The following PIP5K1C variants were observed in gnomAD, a reference collection of about 807,000 sequenced individuals.
PIP5K1C encodes phosphatidylinositol-4-phosphate 5-kinase type 1 gamma.
PIP5K1C carries 45 observed loss-of-function variants against 80.1 expected under a neutral mutation model. That is an observed-to-expected ratio of 0.56 (90% CI 0.44 to 0.72). The LOEUF is 0.72. Ranked by LOEUF, PIP5K1C falls within the 30% of genes least tolerant of loss-of-function variation. PIP5K1C has a pLI of 0.00. For synonymous variants in PIP5K1C, 498 were observed against 420.1 expected (o/e 1.19, Z -2.27); for missense variants, 753 against 954.6 (o/e 0.79, Z 2.78).
At chr19:3,695,733 T>TC (rs1459280411) in intron 1 of PIP5K1C, among the ~76,000 whole-genome samples, 1 of 150,446 alleles carries the variant, frequency 6.6e-6, no homozygotes, top group African/African-American at 2.4e-5. Context: ...CTGACCCTTT[T>TC]TTTTTTTTTT....
chr19:3,649,040 G>A (rs2034355237), intron 8 of PIP5K1C, among the ~76,000 whole-genome samples: 1 of 149,570 alleles, frequency 6.7e-6, no homozygotes, highest in Non-Finnish European at 1.5e-5. Flanking sequence ...TACAGACTGG[G>A]GAGTTAATTG....
At chr19:3,649,967 C>G (rs796347210) in intron 8 of PIP5K1C, 2 of 225,934 alleles carry the variant, frequency 8.9e-6, no homozygotes, top group African/African-American at 2.4e-5. Context: ...CCTGCACGCT[C>G]TGCTCACGCC....
At position 3,642,953 on chromosome 19, in the gene PIP5K1C, G is replaced by A. The variant is rs2034033664; in HGVS notation, c.1650-14C>T. 2 of 1,613,316 alleles carry A rather than the reference G, an allele frequency of 1.2e-6. No individual in the cohort carries two copies. Among genetic ancestry groups the A allele is most frequent in the East Asian group, 2.2e-5 (1 of 44,888 alleles). ...TGTGTGCGCCGCCTGCAGAGATACA[G>A]CAAACACGTGACACCCAGAAAGAGA... On this transcript the variant is annotated splice_polypyrimidine_tract_variant and intron_variant, in intron 13 of 17. Coordinates refer to ENST00000335312, the MANE Select transcript of PIP5K1C (RefSeq NM_012398.3).
At chr19:3,642,366 A>G (rs934589180) in intron 14 of PIP5K1C, among the ~76,000 whole-genome samples, 2 of 152,252 alleles carry the variant, frequency 1.3e-5, no homozygotes, top group Non-Finnish European at 2.9e-5. Context: ...AGCCAGGTGC[A>G]GTCCATGGGA....
At chr19:3,636,926 G>A (rs944026446) in intron 16 of PIP5K1C, 7 of 1,008,480 alleles carry the variant, frequency 6.9e-6, no homozygotes, top group Non-Finnish European at 8.3e-6. Context: ...TGGGGCCCAT[G>A]TGGCGTCCCA....
chr19:3,684,789 C>T (rs1341953676), intron 1 of PIP5K1C, among the ~76,000 whole-genome samples: 5 of 152,218 alleles, frequency 3.3e-5, no homozygotes, highest in Non-Finnish European at 5.9e-5. Flanking sequence ...AAGCCCCGGG[C>T]GGCTCTCTCC....
chr19:3,694,280 G>C (rs916554525), intron 1 of PIP5K1C, among the ~76,000 whole-genome samples: 1 of 151,536 alleles, frequency 6.6e-6, no homozygotes, highest in Admixed American at 6.6e-5. Context: ...GGGTCTAAGC[G>C]GCCAAGGCAG....
rs2033743895 is a variant in PIP5K1C at position 3,637,476 on chromosome 19, T to A, written c.1920+1408A>T. The A allele has an allele frequency of 2.0e-6, 3 of 1,535,508 alleles. No individual in the cohort carries two copies. In the African/African-American group the frequency reaches 4.1e-5, roughly 21 times the overall value. On this transcript the variant is annotated intron_variant, in intron 16 of 17. Coordinates refer to ENST00000335312, the MANE Select transcript of PIP5K1C (RefSeq NM_012398.3). The surrounding 1 kb of genome is among the most constrained non-coding windows in gnomAD (Gnocchi z 7.0). ...GAGCTTCCGGCCGGGGACCTGCGGC[T>A]CCCTGCTGCCCGAGGGGCACTGCCC...
At chr19:3,665,167 C>A (rs1412392437) in intron 2 of PIP5K1C, among the ~76,000 whole-genome samples, 2 of 152,198 alleles carry the variant, frequency 1.3e-5, no homozygotes, top group African/African-American at 4.8e-5. Flanking sequence ...GAGACCTCTG[C>A]CTCCTCAGGA....
chr19:3,646,587 GAC>G, intron 10 of PIP5K1C, among the ~76,000 whole-genome samples: 1 of 152,190 alleles, frequency 6.6e-6, no homozygotes, highest in Admixed American at 6.5e-5. Flanking sequence ...GGCAGCACAG[GAC>G]ACCCTGGCCA....
chr19:3,647,985 G>A (rs1402398160), intron 9 of PIP5K1C, among the ~76,000 whole-genome samples: 5 of 151,768 alleles, frequency 3.3e-5, no homozygotes, highest in Admixed American at 1.3e-4. Flanking sequence ...AAATATTCGA[G>A]CCCCAAAGTG....
chr19:3,677,808 G>A (rs1600062676), intron 1 of PIP5K1C, among the ~76,000 whole-genome samples: 1 of 53,442 alleles, frequency 1.9e-5, no homozygotes, highest in Non-Finnish European at 3.8e-5. Flanking sequence ...GAGGGAGGGA[G>A]GGATAGATGG....
intron 1 of PIP5K1C, among the ~76,000 whole-genome samples, chr19:3,685,884 G>A (rs1302853069): frequency 1.3e-5 from 2 of 152,020 alleles, no homozygotes; most frequent in Non-Finnish European, 2.9e-5. Flanking sequence ...TTTTTGTAGA[G>A]ACGGGGTCTT....
chr19:3,644,412 G>A (rs547716418), intron 11 of PIP5K1C, among the ~76,000 whole-genome samples, 161 bp from the exon 12 acceptor site: 6 of 152,274 alleles, frequency 3.9e-5, no homozygotes, highest in Admixed American at 2.6e-4. Flanking sequence ...GGAAAACCGG[G>A]GTCTGCCTGG....
intron 17 of PIP5K1C, 23 bp from the exon 18 acceptor site, chr19:3,633,192 G>A (rs762104886): frequency 2.6e-6 from 2 of 764,366 alleles, no homozygotes; most frequent in South Asian, 1.4e-5. Context: ...GAGGACAGGT[G>A]AAGGTGGGCG....
Position 3,656,666 on chromosome 19 carries a change from T to C in PIP5K1C, c.469-109A>G, listed in dbSNP as rs941841528. On this transcript the variant is annotated intron_variant, in intron 5 of 17. Transcript: ENST00000335312. ...AGGAACTGATGACGGGTCGCTGCAT[T>C]TTACAGATGCGGAAAGAGAGGCTCA... 8.0e-6 allele frequency: 10 copies of C among 1,243,620 alleles called. No individual in the cohort carries two copies. In the African/African-American group the frequency reaches 1.0e-4, roughly 13 times the overall value. 77.0% of individuals were successfully genotyped at this position (1,243,620 alleles called of 1,614,324 possible). A position where few individuals can be genotyped will look rare whatever the true frequency, so the allele number is the denominator to read the frequency against.
intron 1 of PIP5K1C, among the ~76,000 whole-genome samples, chr19:3,675,193 GAGA>G (rs1309554193): frequency 6.6e-6 from 1 of 152,178 alleles, no homozygotes; most frequent in Non-Finnish European, 1.5e-5. Context: ...TGAATACGCC[GAGA>G]AGAATTTACT....
chr19:3,685,459 G>A (rs539886983), intron 1 of PIP5K1C, among the ~76,000 whole-genome samples: 28 of 152,298 alleles, frequency 1.8e-4, no homozygotes, highest in Admixed American at 9.8e-4. Context: ...GGCCAGGCAC[G>A]GTGGCTCATG....
At chr19:3,683,498 T>C (rs927860574) in intron 1 of PIP5K1C, among the ~76,000 whole-genome samples, 31 of 152,322 alleles carry the variant, frequency 2.0e-4, no homozygotes, top group African/African-American at 7.5e-4. Flanking sequence ...GCCCGCACCA[T>C]ATGAGAACCC....
Sources: gnomAD v4.1 joint callset for allele counts (sites outside exome capture counted in the v4.1 genomes callset) on GRCh38, gnomAD v4.1.1 for gene constraint, Gnocchi (gnomAD v3.1) non-coding constraint, MANE v1.5 for transcripts, NCBI Gene and HGNC (gene_info 2026-07-23, HGNC 2026-07-21) for gene names.